Variants in SENP5 observed in about 807,000 individuals in gnomAD.
SENP5 encodes the protein sentrin-specific protease 5.
A neutral mutation model predicts 74.2 loss-of-function variants in SENP5; 21 were observed. The observed-to-expected ratio is 0.28, with a 90% confidence interval of 0.20 to 0.41. The LOEUF (loss-of-function observed/expected upper bound fraction) is 0.41. Among genes scored for constraint, SENP5 ranks in the 10% least tolerant of loss-of-function variants. The pLI, the probability that SENP5 is intolerant of heterozygous loss-of-function variation, is 1.00. For missense variants in SENP5, 717 were observed against 889.1 expected, an observed-to-expected ratio of 0.81 and a Z score of 2.46; for synonymous variants, 311 against 312.7, an observed-to-expected ratio of 0.99 and a Z score of 0.06.
chr3:196,900,465 G>A (rs551358212), intron 5 of SENP5, 53 bp downstream of exon 5: 22 of 1,414,896 alleles, frequency 1.6e-5, no homozygotes, highest in Middle Eastern at 1.8e-4. Flanking sequence ...GTATTAAAAT[G>A]AGTAGTTTTT....
intron 6 of SENP5, among the ~76,000 whole-genome samples, chr3:196,922,795 T>C (rs1715670845): frequency 6.6e-6 from 1 of 152,216 alleles, no homozygotes; most frequent in Non-Finnish European, 1.5e-5. Context: ...TTAGTTTTTG[T>C]ATTTTTTTGT....
At chr3:196,914,584 A>ATATATATATATATAT (rs1242643022) in intron 6 of SENP5, 2 of 59,408 alleles carry the variant, frequency 3.4e-5, no homozygotes, top group African/African-American at 1.6e-4. Context: ...AAAAAAAAAA[A>ATATATATATATATAT]AAATATATAT....
rs1716102024 is a variant in SENP5, at chr3:196,933,022, T to TTTTTC, written c.*2103_*2104insCTTTT. 1 of 136,374 alleles carries TTTTTC rather than the reference T, an allele frequency of 7.3e-6. No homozygotes were observed. The highest frequency in any genetic ancestry group is 1.6e-5 in the Non-Finnish European group (1 of 63,270). The allele number at this position is 136,374 out of a possible 1,614,324, so 8.4% of individuals were successfully genotyped here. On this transcript the variant is annotated 3_prime_UTR_variant, in exon 10 of 10. Coordinates refer to ENST00000323460, the MANE Select transcript of SENP5 (RefSeq NM_152699.5). ...TAAATGTTGAGTTTGGGTTTTTTGT[T>TTTTTC]TTTTTTTTTTTTTGAGTCAGAGTCT...
chr3:196,914,564 T>TAAAAAAAAAAAAAAAA (rs34724979), intron 6 of SENP5: 5 of 26,342 alleles, frequency 1.9e-4, no homozygotes, highest in South Asian at 2.2e-3. Flanking sequence ...AGGTTTGCTT[T>TAAAAAAAAAAAAAAAA]AAAAAAAAAA....
chr3:196,882,761 C>A (rs1336728404), intron 1 of SENP5, among the ~76,000 whole-genome samples: 1 of 152,194 alleles, frequency 6.6e-6, no homozygotes, highest in Non-Finnish European at 1.5e-5. Flanking sequence ...ACCTTGGCCT[C>A]CCGAAGTATT....
intron 1 of SENP5, among the ~76,000 whole-genome samples, 171 bp downstream of exon 1, chr3:196,868,244 C>G (rs531049755): frequency 2.0e-4 from 30 of 152,358 alleles, no homozygotes; most frequent in African/African-American, 7.0e-4. Context: ...GCCTCCCTTT[C>G]CGGGGGAGGC....
At chr3:196,878,924 A>G (rs1250018783) in intron 1 of SENP5, among the ~76,000 whole-genome samples, 1 of 152,130 alleles carries the variant, frequency 6.6e-6, no homozygotes, top group African/African-American at 2.4e-5. Flanking sequence ...ACTTGTGATT[A>G]CTTAGTTTAT....
chr3:196,920,105 T>G lies in SENP5; in HGVS notation c.1885-3309T>G, dbSNP rs530681103. On this transcript the variant is annotated intron_variant, in intron 6 of 9. Coordinates refer to ENST00000323460, the MANE Select transcript of SENP5 (RefSeq NM_152699.5). ...AATTAGTTTGTCAAACTCTGTTGTT[T>G]AGTAAGCATGCTGGAATGATTGGGA... is the stretch of plus-strand genomic sequence containing the variant. Among the ~76,000 whole-genome samples the G allele has an allele frequency of 1.4e-4, 22 of 152,332 alleles. 1 individual carries two copies. The highest frequency in any genetic ancestry group is 1.4e-3 in the Admixed American group (22 of 15,302).
intron 2 of SENP5, among the ~76,000 whole-genome samples, chr3:196,890,279 A>G (rs763319096): frequency 1.3e-5 from 2 of 152,256 alleles, no homozygotes; most frequent in Non-Finnish European, 2.9e-5. Context: ...GGCAATGAGT[A>G]CAATAGATAA....
chr3:196,911,880 A>G (rs1017814969), intron 6 of SENP5, among the ~76,000 whole-genome samples: 8 of 152,228 alleles, frequency 5.3e-5, no homozygotes, highest in African/African-American at 1.7e-4. Flanking sequence ...ACAATGAGAT[A>G]CCATCTCATG....
chr3:196,903,442 A>T, intron 5 of SENP5, 91 bp from the exon 6 acceptor site: 3 of 754,710 alleles, frequency 4.0e-6, no homozygotes, highest in South Asian at 2.0e-5. Context: ...TGTCTGCTTT[A>T]CATTCAAACA....
At chr3:196,914,426 G>A (rs1715266095) in intron 6 of SENP5, 2 of 151,102 alleles carry the variant, frequency 1.3e-5, no homozygotes, top group African/African-American at 4.9e-5. Context: ...GTAAAATATT[G>A]TGATTGATGT....
At position 196,929,717 on chromosome 3, in the gene SENP5, G is replaced by A. The variant is rs147834894; in HGVS notation, c.2157+34G>A. Reference sequence around the variant, plus strand: ...ACACTTGCTTTTCGGAACTTACAATGTGTGAATTGAGTCTGTTGGGTTGAG... The same window carrying A: ...ACACTTGCTTTTCGGAACTTACAATATGTGAATTGAGTCTGTTGGGTTGAG... On this transcript the variant is annotated intron_variant, in intron 9 of 9. Coordinates refer to ENST00000323460, the MANE Select transcript of SENP5 (RefSeq NM_152699.5). 94 of 1,471,558 alleles carry A rather than the reference G, an allele frequency of 6.4e-5. No homozygotes were observed. In the Middle Eastern group the frequency reaches 8.6e-4, roughly 13 times the overall value. 91.2% of individuals were successfully genotyped at this position (1,471,558 alleles called of 1,614,324 possible).
rs1198645763 is a variant in SENP5, at chr3:196,885,610, T to A, written c.429T>A (p.Phe143Leu). The part of the protein sequence containing the change: ...EKNLLKAVTD[F>L]PSNSALGQAN... ...ATCTCTTGAAGGCAGTTACTGACTT[T>A]CCATCAAATAGTGCTTTAGGTCAGG... is the stretch of plus-strand genomic sequence containing the variant. The change falls in exon 2 of 10, where the codon TTT (phenylalanine) becomes TTA (leucine). Residue 143 changes from phenylalanine (F) to leucine (L), a missense_variant. Physicochemically the swap from Phe to Leu is conservative, Grantham distance 22. Around this residue, in one of 4 missense-constraint regions of SENP5, gnomAD observed 567 missense variants for 577.4 expected, o/e 0.98. Coordinates refer to ENST00000323460, the MANE Select transcript of SENP5 (RefSeq NM_152699.5). The A allele has an allele frequency of 6.2e-7, 1 of 1,614,208 alleles. No individual in the cohort carries two copies. The highest frequency in any genetic ancestry group is 1.1e-5 in the South Asian group (1 of 91,088).
chr3:196,899,011 G>A lies in SENP5; in HGVS notation c.1514-655G>A, dbSNP rs539780995. Among the ~76,000 whole-genome samples the A allele has an allele frequency of 2.0e-5, 3 of 151,544 alleles. No homozygotes were observed. In the South Asian group the frequency reaches 6.3e-4, roughly 32 times the overall value. Reference sequence around the variant, plus strand: ...GGAGAATGGCGTGAACCCGGGAGGTGGAGCTTGTAGTGAGCAGAGATCGTG... The same window carrying A: ...GGAGAATGGCGTGAACCCGGGAGGTAGAGCTTGTAGTGAGCAGAGATCGTG... On this transcript the variant is annotated intron_variant, in intron 2 of 9. Coordinates refer to ENST00000323460, the MANE Select transcript of SENP5 (RefSeq NM_152699.5).
At chr3:196,874,148 TA>T (rs1200307574) in intron 1 of SENP5, among the ~76,000 whole-genome samples, 4,232 of 136,532 alleles carry the variant, frequency 0.031, 244 homozygotes, top group African/African-American at 0.1. Context: ...CTTTTTTTTT[TA>T]AAAAAAAAAA....
At chr3:196,923,246 T>C (rs986754269) in intron 6 of SENP5, among the ~76,000 whole-genome samples, 168 bp from the exon 7 acceptor site, 9 of 152,248 alleles carry the variant, frequency 5.9e-5, no homozygotes, top group Non-Finnish European at 1.3e-4. Flanking sequence ...TATAGCTTAA[T>C]AGTTACAAGC....
At chr3:196,918,329 C>A (rs1577841421) in intron 6 of SENP5, among the ~76,000 whole-genome samples, 1 of 145,772 alleles carries the variant, frequency 6.9e-6, no homozygotes. Context: ...GTAGAAACAA[C>A]AAAAAGTCAA....
chr3:196,899,280 C>T (rs892438862), intron 2 of SENP5, among the ~76,000 whole-genome samples: 9 of 152,116 alleles, frequency 5.9e-5, no homozygotes, highest in African/African-American at 2.2e-4. Context: ...AATAATAATT[C>T]TTTCAGTTAC....
Sources: allele counts gnomAD v4.1 joint callset (sites outside exome capture counted in the v4.1 genomes callset), GRCh38; gene constraint gnomAD v4.1.1; regional missense constraint gnomAD v4.1.1; transcripts MANE v1.5; gene names NCBI Gene and HGNC (gene_info 2026-07-23, HGNC 2026-07-21).